Variants in TMPRSS11D observed in about 807,000 individuals in gnomAD.
The protein encoded by TMPRSS11D is transmembrane protease serine 11D.
TMPRSS11D carries 32 observed loss-of-function variants against 44.4 expected under a neutral mutation model. The ratio of observed to expected loss-of-function variants is 0.72; its 90% confidence interval spans 0.54 to 0.97. The LOEUF is 0.97. Ranked by LOEUF, TMPRSS11D falls within the 50% of genes least tolerant of loss-of-function variation. The pLI is 0.00. For synonymous variants in TMPRSS11D, 179 were observed against 177.9 expected, an observed-to-expected ratio of 1.01 and a Z score of -0.05; for missense variants, 446 against 502.6, an observed-to-expected ratio of 0.89 and a Z score of 1.08.
At chr4:67,873,209 C>A (rs895180413) in intron 1 of TMPRSS11D, among the ~76,000 whole-genome samples, 9 of 152,158 alleles carry the variant, frequency 5.9e-5, no homozygotes, top group Non-Finnish European at 1.0e-4. Context: ...CCCAAACTTA[C>A]CAAAACACAG....
chr4:67,864,093 AGTTT>A (rs1447727231), intron 1 of TMPRSS11D, among the ~76,000 whole-genome samples: 1 of 151,752 alleles, frequency 6.6e-6, no homozygotes, highest in Non-Finnish European at 1.5e-5. Context: ...TTAATTAATT[AGTTT>A]AATTTATTTA....
At chr4:67,882,133 A>C (rs1350126959) in intron 1 of TMPRSS11D, among the ~76,000 whole-genome samples, 2 of 152,262 alleles carry the variant, frequency 1.3e-5, no homozygotes, top group East Asian at 3.9e-4. Context: ...TTCATCTTGC[A>C]GCAGCATGGA....
intron 1 of TMPRSS11D, among the ~76,000 whole-genome samples, chr4:67,863,898 T>C (rs1718854037): frequency 1.3e-5 from 2 of 152,102 alleles, no homozygotes; most frequent in African/African-American, 2.4e-5. Flanking sequence ...TTTCTGCCAG[T>C]AACTGTTGTA....
At position 67,821,769 on chromosome 4, in the gene TMPRSS11D, G is replaced by C. The variant is rs1684911222; in HGVS notation, c.*568C>G. On this transcript the variant is annotated 3_prime_UTR_variant, in exon 10 of 10. Coordinates refer to ENST00000283916, the MANE Select transcript of TMPRSS11D (RefSeq NM_004262.3). Reference sequence around the variant, plus strand: ...AAGCATGTTCTTACAGAATAATTAAGGTTAGGTTATACGTATAGTACAACA... The same window carrying C: ...AAGCATGTTCTTACAGAATAATTAACGTTAGGTTATACGTATAGTACAACA... The C allele has an allele frequency of 6.6e-6, 1 of 152,002 alleles. No homozygotes were observed. The highest frequency in any genetic ancestry group is 1.5e-5 in the Non-Finnish European group (1 of 68,018). 9.4% of individuals were successfully genotyped at this position (152,002 alleles called of 1,614,324 possible).
intron 1 of TMPRSS11D, among the ~76,000 whole-genome samples, chr4:67,870,813 C>CAAAA (rs11318143): frequency 2.2e-4 from 30 of 133,948 alleles, no homozygotes; most frequent in African/African-American, 6.7e-4. Flanking sequence ...GACCCTGTCT[C>CAAAA]AAAAAAAAAA....
chr4:67,873,937 C>G (rs1719117577), intron 1 of TMPRSS11D, among the ~76,000 whole-genome samples: 1 of 152,150 alleles, frequency 6.6e-6, no homozygotes, highest in African/African-American at 2.4e-5. Flanking sequence ...TCAAAATATA[C>G]TGACCCTATT....
Position 67,859,599 on chromosome 4 carries a change from G to A in TMPRSS11D, c.88C>T (p.Leu30=). 6.2e-7 allele frequency: 1 copy of A among 1,613,296 alleles called. No homozygotes were observed. The highest frequency in any genetic ancestry group is 2.2e-5 in the East Asian group (1 of 44,854). ...ACAAGTAGAGCTATGGTGACTGCCA[G>A]GATCACTACCCCTGCGACGACAATG... The part of the protein sequence containing the change: ...CFIVVAGVVI[L]AVTIALLVYF... The change falls in exon 2 of 10, where the codon CTG becomes TTG. Residue 30 remains leucine, a synonymous_variant. Coordinates refer to ENST00000283916, the MANE Select transcript of TMPRSS11D (RefSeq NM_004262.3).
intron 1 of TMPRSS11D, among the ~76,000 whole-genome samples, chr4:67,868,322 G>T (rs1718973867): frequency 6.6e-6 from 1 of 152,104 alleles, no homozygotes; most frequent in Non-Finnish European, 1.5e-5. Context: ...AGAAGGATGA[G>T]AAATTACTTA....
intron 1 of TMPRSS11D, among the ~76,000 whole-genome samples, chr4:67,870,109 G>A (rs574445312): frequency 6.6e-6 from 1 of 152,222 alleles, no homozygotes; most frequent in South Asian, 2.1e-4. Flanking sequence ...TATCGTTTTT[G>A]CATATTTTAA....
intron 1 of TMPRSS11D, among the ~76,000 whole-genome samples, chr4:67,868,891 T>C (rs1176280240): frequency 2.0e-5 from 3 of 152,174 alleles, no homozygotes; most frequent in African/African-American, 7.2e-5. Context: ...AAGGGCCATG[T>C]AGGGGCTATG....
At chr4:67,855,895 A>G (rs891392766) in intron 2 of TMPRSS11D, among the ~76,000 whole-genome samples, 1 of 152,210 alleles carries the variant, frequency 6.6e-6, no homozygotes, top group Non-Finnish European at 1.5e-5. Context: ...TAGCATTTCT[A>G]TACACCAACA....
chr4:67,829,458 A>G (rs1717891039), intron 7 of TMPRSS11D, among the ~76,000 whole-genome samples: 1 of 151,860 alleles, frequency 6.6e-6, no homozygotes, highest in Admixed American at 6.6e-5. Context: ...AAAAAAAAAA[A>G]AAGGACATTA....
At chr4:67,849,306 G>T (rs1718437587) in intron 3 of TMPRSS11D, among the ~76,000 whole-genome samples, 2 of 152,192 alleles carry the variant, frequency 1.3e-5, no homozygotes, top group Non-Finnish European at 2.9e-5. Flanking sequence ...AAACAGCCAT[G>T]TAAGGATATC....
intron 2 of TMPRSS11D, among the ~76,000 whole-genome samples, chr4:67,856,200 A>G (rs751858579): frequency 1.8e-4 from 28 of 152,176 alleles, no homozygotes; most frequent in Non-Finnish European, 3.5e-4. Flanking sequence ...AGAAAGAGCA[A>G]ATTTGAAGAC....
chr4:67,852,920 AATAC>A (rs1372013587), intron 3 of TMPRSS11D, among the ~76,000 whole-genome samples: 1 of 151,598 alleles, frequency 6.6e-6, no homozygotes, highest in Non-Finnish European at 1.5e-5. Context: ...TATAATATAA[AATAC>A]ATACAGGTAT....
chr4:67,851,500 G>A (rs529239095), intron 3 of TMPRSS11D, among the ~76,000 whole-genome samples: 1 of 152,290 alleles, frequency 6.6e-6, no homozygotes, highest in South Asian at 2.1e-4. Flanking sequence ...CTCCACTGAG[G>A]GAGGCGCACC....
At chr4:67,883,111 T>C (rs1719361210) in intron 1 of TMPRSS11D, among the ~76,000 whole-genome samples, 1 of 152,022 alleles carries the variant, frequency 6.6e-6, no homozygotes, top group Non-Finnish European at 1.5e-5. Flanking sequence ...GTTCAGGAGA[T>C]TTAAAATAAA....
intron 1 of TMPRSS11D, among the ~76,000 whole-genome samples, chr4:67,866,462 G>A (rs1718928882): frequency 1.3e-5 from 2 of 151,726 alleles, no homozygotes; most frequent in African/African-American, 4.8e-5. Flanking sequence ...CTTTCATCAC[G>A]TCTATCAAAC....
intron 7 of TMPRSS11D, 39 bp from the exon 8 acceptor site, chr4:67,827,559 T>C (rs777241665): frequency 1.3e-6 from 2 of 1,538,124 alleles, no homozygotes; most frequent in Non-Finnish European, 1.7e-6. Context: ...AGTAGGGAAT[T>C]TGTGAACATT....
Sources: allele counts gnomAD v4.1 joint callset (sites outside exome capture counted in the v4.1 genomes callset), GRCh38; gene constraint gnomAD v4.1.1; transcripts MANE v1.5; gene names NCBI Gene and HGNC (gene_info 2026-07-23, HGNC 2026-07-21).